TMEM132D: variants seen among roughly 807,000 people sequenced by gnomAD.
The protein encoded by TMEM132D is mature OL transmembrane protein.
In TMEM132D, 21 loss-of-function variants were observed where a neutral mutation model predicts 62.3. The observed-to-expected ratio is 0.34, with a 90% CI of 0.24 to 0.49. The LOEUF (loss-of-function observed/expected upper bound fraction) is 0.49. TMEM132D is among the 20% of genes least tolerant of loss of function. The pLI is 0.99. For synonymous variants in TMEM132D, 621 were observed against 575.6 expected, an observed-to-expected ratio of 1.08 and a Z score of -1.13; for missense variants, 1,346 against 1,402.8, an observed-to-expected ratio of 0.96 and a Z score of 0.65.
chr12:129,880,390 T>C (rs1874553121), intron 1 of TMEM132D, among the ~76,000 whole-genome samples: 1 of 152,320 alleles, frequency 6.6e-6, no homozygotes, highest in Admixed American at 6.5e-5. Flanking sequence ...AAAGACTGTG[T>C]TACAGGCAGA....
chr12:129,701,610 A>T (rs1252549311), intron 1 of TMEM132D, among the ~76,000 whole-genome samples: 1 of 152,198 alleles, frequency 6.6e-6, no homozygotes, highest in Non-Finnish European at 1.5e-5. Flanking sequence ...CCTCAGGGGG[A>T]GAAAAATCCA....
At chr12:129,256,066 C>T (rs1421182190) in intron 4 of TMEM132D, among the ~76,000 whole-genome samples, 1 of 152,154 alleles carries the variant, frequency 6.6e-6, no homozygotes, top group East Asian at 1.9e-4. Context: ...ATGTCAGGGG[C>T]TTGACTTGTA....
intron 3 of TMEM132D, among the ~76,000 whole-genome samples, chr12:129,374,338 C>T (rs59936784): frequency 0.044 from 6,633 of 151,062 alleles, 167 homozygotes; most frequent in East Asian, 0.069. Context: ...CATAATACTA[C>T]GGTCCACCAT....
At chr12:129,559,069 G>C (rs1877141524) in intron 2 of TMEM132D, among the ~76,000 whole-genome samples, 1 of 152,156 alleles carries the variant, frequency 6.6e-6, no homozygotes, top group East Asian at 1.9e-4. Context: ...CTTTCTCAAA[G>C]ACCATTAGAG....
chr12:129,408,568 T>C (rs1871868631), intron 3 of TMEM132D, among the ~76,000 whole-genome samples: 1 of 152,138 alleles, frequency 6.6e-6, no homozygotes, highest in Non-Finnish European at 1.5e-5. Flanking sequence ...AGGTTATTCT[T>C]TGGTAGTTTA....
intron 2 of TMEM132D, among the ~76,000 whole-genome samples, chr12:129,688,523 G>T (rs573287712): frequency 6.6e-6 from 1 of 152,194 alleles, no homozygotes; most frequent in African/African-American, 2.4e-5. Flanking sequence ...GCTTGCATTT[G>T]ACTCTGGGTT....
At chr12:129,531,611 A>C (rs890785612) in intron 2 of TMEM132D, among the ~76,000 whole-genome samples, 4 of 152,210 alleles carry the variant, frequency 2.6e-5, no homozygotes, top group Admixed American at 6.5e-5. Context: ...CATTCATTGA[A>C]TGTCTCCCAG....
At chr12:129,821,594 G>A (rs1231983961) in intron 1 of TMEM132D, among the ~76,000 whole-genome samples, 1 of 152,194 alleles carries the variant, frequency 6.6e-6, no homozygotes, top group Non-Finnish European at 1.5e-5. Context: ...CATTCGATCT[G>A]AAGAAATATG....
In TMEM132D at chr12:129,538,733, T is replaced by C. The variant is rs141949924; in HGVS notation, c.969-7528A>G. 1.5e-3 allele frequency among the ~76,000 whole-genome samples: 232 copies of C among 152,344 alleles called. 2 individuals carry two copies. Among genetic ancestry groups the C allele is most frequent in the African/African-American group, 5.3e-3 (219 of 41,580 alleles). ...ACTGTATTCACCCTTTTTCTTAGGA[T>C]GACGATGAGAGGTAATAAAATTTCT... is the stretch of plus-strand genomic sequence containing the variant. On this transcript the variant is annotated intron_variant, in intron 2 of 8. Coordinates refer to ENST00000422113, the MANE Select transcript of TMEM132D (RefSeq NM_133448.3).
chr12:129,901,597 G>GTGGT (rs1318919728), intron 1 of TMEM132D, among the ~76,000 whole-genome samples: 2 of 152,146 alleles, frequency 1.3e-5, no homozygotes, highest in East Asian at 3.8e-4. Flanking sequence ...TAGTAAAGAG[G>GTGGT]CTTCCACATC....
In TMEM132D at chr12:129,473,809, G is replaced by A. The variant is rs1303220513; in HGVS notation, c.1115+57250C>T. On this transcript the variant is annotated intron_variant, in intron 3 of 8. Transcript: ENST00000422113. The stretch of plus-strand genomic sequence containing the variant: ...CTGGAACTGAACCTGCAGTATCTCC[G>A]AGGCATGTCCATAGCAGATCTTTAT... Among the ~76,000 whole-genome samples, 16 of 152,304 alleles carry A rather than the reference G, an allele frequency of 1.1e-4. No homozygotes were observed. The East Asian group carries it at 1.2e-3, about 11-fold the overall frequency.
In TMEM132D at chr12:129,851,640, T is replaced by G. The variant is rs546370295; in HGVS notation, c.79+51621A>C. The stretch of plus-strand genomic sequence containing the variant: ...CACTGTTTTATTTTTAAGTGATGTG[T>G]GCACCCATGTTCACAGCACTGCTTC... On this transcript the variant is annotated intron_variant, in intron 1 of 8. Coordinates refer to ENST00000422113, the MANE Select transcript of TMEM132D (RefSeq NM_133448.3). Among the ~76,000 whole-genome samples the G allele has an allele frequency of 2.1e-3, 315 of 152,338 alleles. 1 individual carries two copies. Among genetic ancestry groups the G allele is most frequent in the Non-Finnish European group, 3.0e-3 (203 of 68,032 alleles).
intron 4 of TMEM132D, among the ~76,000 whole-genome samples, chr12:129,314,854 T>C (rs1868432851): frequency 6.6e-6 from 1 of 152,070 alleles, no homozygotes; most frequent in African/African-American, 2.4e-5. Flanking sequence ...TTCAGTATAT[T>C]CCTAAGTTAT....
chr12:129,807,969 T>C (rs1872049412), intron 1 of TMEM132D, among the ~76,000 whole-genome samples: 1 of 152,186 alleles, frequency 6.6e-6, no homozygotes, highest in African/African-American at 2.4e-5. Context: ...CTTGGGAATT[T>C]GCATGAGAAA....
chr12:129,719,712 G>A (rs376554619), intron 1 of TMEM132D, among the ~76,000 whole-genome samples: 1 of 152,150 alleles, frequency 6.6e-6, no homozygotes, highest in African/African-American at 2.4e-5. Flanking sequence ...CCTATTTCAG[G>A]GCCTTCAGCT....
intron 2 of TMEM132D, among the ~76,000 whole-genome samples, chr12:129,638,359 C>T (rs891302633): frequency 2.6e-5 from 4 of 151,832 alleles, no homozygotes; most frequent in African/African-American, 9.7e-5. Flanking sequence ...GACAGACATT[C>T]TTCTAGGTTC....
chr12:129,766,043 C>G (rs1198963899), intron 1 of TMEM132D, among the ~76,000 whole-genome samples: 7 of 152,192 alleles, frequency 4.6e-5, no homozygotes. Context: ...GCAGAAGTGC[C>G]CTGTGTGATT....
chr12:129,124,680 A>G (rs1876160127), intron 5 of TMEM132D, among the ~76,000 whole-genome samples: 1 of 152,192 alleles, frequency 6.6e-6, no homozygotes, highest in South Asian at 2.1e-4. Flanking sequence ...GTAGTATTTC[A>G]TTGAATGGGC....
At chr12:129,280,286 G>A (rs1566020542) in intron 4 of TMEM132D, among the ~76,000 whole-genome samples, 2 of 152,120 alleles carry the variant, frequency 1.3e-5, no homozygotes, top group Non-Finnish European at 2.9e-5. Flanking sequence ...CATAAAAGGA[G>A]TGAAAGACTG....
Sources: gnomAD v4.1 joint callset for allele counts (sites outside exome capture counted in the v4.1 genomes callset) on GRCh38, gnomAD v4.1.1 for gene constraint, MANE v1.5 for transcripts, NCBI Gene and HGNC (gene_info 2026-07-23, HGNC 2026-07-21) for gene names.